Variants in NELL1 observed in about 807,000 individuals in gnomAD.
The protein encoded by NELL1 is protein kinase C-binding protein NELL1.
In NELL1, 76 loss-of-function variants were observed where a neutral mutation model predicts 107.4. That is an observed-to-expected ratio of 0.71 (90% CI 0.59 to 0.86). The LOEUF is 0.86. NELL1 is among the 40% of genes least tolerant of loss of function. The pLI, the probability that NELL1 is intolerant of heterozygous loss-of-function variation, is 0.00. For synonymous variants in NELL1, 353 were observed against 341.2 expected (o/e 1.03, Z -0.38); for missense variants, 1,024 against 1,005.5 (o/e 1.02, Z -0.25).
chr11:21,058,318 A>G (rs1853659018), intron 12 of NELL1, among the ~76,000 whole-genome samples: 1 of 152,158 alleles, frequency 6.6e-6, no homozygotes, highest in Middle Eastern at 3.2e-3. Context: ...ATTATAATAA[A>G]ATAGTTTGAG....
At chr11:20,692,201 G>T (rs1184566943) in intron 2 of NELL1, among the ~76,000 whole-genome samples, 1 of 151,466 alleles carries the variant, frequency 6.6e-6, no homozygotes, top group Non-Finnish European at 1.5e-5. Flanking sequence ...CTTGCTAGCA[G>T]TTTATGAATT....
At chr11:21,300,093 A>G (rs980226120) in intron 14 of NELL1, among the ~76,000 whole-genome samples, 3 of 152,002 alleles carry the variant, frequency 2.0e-5, no homozygotes, top group Non-Finnish European at 4.4e-5. Context: ...AAAACAAAAC[A>G]AAACAAAACA....
At position 20,894,339 on chromosome 11, in the gene NELL1, G is replaced by T. The variant is rs796097352; in HGVS notation, c.603+8799G>T. Among the ~76,000 whole-genome samples the T allele has an allele frequency of 1.1e-4, 16 of 152,262 alleles. 1 individual carries two copies. Among genetic ancestry groups the T allele is most frequent in the African/African-American group, 3.6e-4 (15 of 41,558 alleles). On this transcript the variant is annotated intron_variant, in intron 5 of 19. Transcript: ENST00000357134. ...AATAGATGACTAAGAGAGTAAAAAG[G>T]CATGTCAAGGAATAGGAGGAGCTAT... is the stretch of plus-strand genomic sequence containing the variant.
chr11:20,956,728 A>AGC (rs890754355), intron 11 of NELL1, among the ~76,000 whole-genome samples: 1 of 152,112 alleles, frequency 6.6e-6, no homozygotes, highest in Non-Finnish European at 1.5e-5. Flanking sequence ...ACTGTTTGTT[A>AGC]GCTGCAGATC....
At chr11:20,887,302 C>T (rs565240348) in intron 5 of NELL1, among the ~76,000 whole-genome samples, 32 of 152,278 alleles carry the variant, frequency 2.1e-4, no homozygotes, top group African/African-American at 7.0e-4. Flanking sequence ...CCACTATAAA[C>T]ATTTGCATAC....
chr11:21,314,031 T>G (rs1259713868), intron 14 of NELL1, among the ~76,000 whole-genome samples: 1 of 112,058 alleles, frequency 8.9e-6, no homozygotes, highest in East Asian at 3.8e-4. Flanking sequence ...TTGCTCCTGC[T>G]TTTGCCATGT....
At chr11:21,277,137 G>C (rs1590796827) in intron 14 of NELL1, among the ~76,000 whole-genome samples, 1 of 151,666 alleles carries the variant, frequency 6.6e-6, no homozygotes, top group African/African-American at 2.4e-5. Context: ...GAAAATTTTT[G>C]CAATCTACTC....
At chr11:20,753,431 T>C (rs927252369) in intron 2 of NELL1, among the ~76,000 whole-genome samples, 3 of 152,192 alleles carry the variant, frequency 2.0e-5, no homozygotes, top group Non-Finnish European at 4.4e-5. Context: ...ATGTCATATT[T>C]TTTTTCCTCA....
chr11:21,109,214 A>T (rs1855047001), intron 12 of NELL1, among the ~76,000 whole-genome samples: 2 of 152,198 alleles, frequency 1.3e-5, no homozygotes, highest in Middle Eastern at 3.4e-3. Context: ...TACCTAAAAA[A>T]CAGCATCTAT....
intron 13 of NELL1, among the ~76,000 whole-genome samples, chr11:21,219,984 C>A (rs564587845): frequency 6.6e-6 from 1 of 152,160 alleles, no homozygotes; most frequent in Non-Finnish European, 1.5e-5. Flanking sequence ...AGGAAGAGAG[C>A]AAAGAGGAGG....
intron 15 of NELL1, among the ~76,000 whole-genome samples, chr11:21,409,548 T>C (rs1001490059): frequency 2.0e-5 from 3 of 151,782 alleles, no homozygotes; most frequent in Non-Finnish European, 4.4e-5. Flanking sequence ...ATCCTGCATA[T>C]TGTGCACATG....
intron 13 of NELL1, among the ~76,000 whole-genome samples, chr11:21,223,964 C>A (rs1453486623): frequency 6.6e-6 from 1 of 152,056 alleles, no homozygotes; most frequent in Non-Finnish European, 1.5e-5. Context: ...TTTGTTTTTT[C>A]TTTCATCACT....
intron 16 of NELL1, among the ~76,000 whole-genome samples, chr11:21,550,359 T>G (rs1288138587): frequency 1.3e-5 from 2 of 152,042 alleles, no homozygotes; most frequent in African/African-American, 4.8e-5. Context: ...GTCCCGTTTG[T>G]CAATTTTGGC....
At chr11:20,733,694 A>G (rs1229798122) in intron 2 of NELL1, among the ~76,000 whole-genome samples, 7 of 152,228 alleles carry the variant, frequency 4.6e-5, no homozygotes, top group Non-Finnish European at 1.0e-4. Context: ...AAGGTTGCAT[A>G]AAATCAGAAG....
chr11:20,686,911 CAT>C lies in NELL1; in HGVS notation c.184+8852_184+8853del, dbSNP rs1230597627. 2.7e-5 allele frequency among the ~76,000 whole-genome samples: 4 copies of C among 149,550 alleles called. No homozygotes were observed. The Admixed American group carries it at 2.7e-4, about 10-fold the overall frequency. On this transcript the variant is annotated intron_variant, in intron 2 of 19. Coordinates refer to ENST00000357134, the MANE Select transcript of NELL1 (RefSeq NM_006157.5). ...CAAATATCACTGGGAAATAGTAGAA[CAT>C]GTGTGTATAGGGGCTTCAGTTTTTT...
At chr11:21,568,741 C>T (rs932651973) in intron 17 of NELL1, among the ~76,000 whole-genome samples, 8 of 151,704 alleles carry the variant, frequency 5.3e-5, no homozygotes, top group African/African-American at 1.9e-4. Context: ...CCATATTTTC[C>T]TCCATGTCTT....
chr11:21,357,861 A>G (rs945521791), intron 14 of NELL1, among the ~76,000 whole-genome samples: 2 of 152,150 alleles, frequency 1.3e-5, no homozygotes, highest in Non-Finnish European at 2.9e-5. Context: ...TCTTCTCCAC[A>G]TGGCCTGCCA....
chr11:21,204,494 C>A (rs1230957006), intron 13 of NELL1, among the ~76,000 whole-genome samples: 1 of 151,756 alleles, frequency 6.6e-6, no homozygotes, highest in African/African-American at 2.4e-5. Context: ...ATTGGTTATT[C>A]TAGTTAGCAA....
intron 12 of NELL1, among the ~76,000 whole-genome samples, chr11:21,058,909 G>A (rs1209556459): frequency 6.6e-6 from 1 of 152,012 alleles, no homozygotes; most frequent in African/African-American, 2.4e-5. Flanking sequence ...TTTTGGTTTT[G>A]TGTCAAGTTC....
Sources: allele counts gnomAD v4.1 joint callset (sites outside exome capture counted in the v4.1 genomes callset), GRCh38; gene constraint gnomAD v4.1.1; transcripts MANE v1.5; gene names NCBI Gene and HGNC (gene_info 2026-07-23, HGNC 2026-07-21).